ARHGAP6: variants seen among roughly 807,000 people sequenced by gnomAD.
ARHGAP6 encodes the protein rho GTPase-activating protein 6.
A neutral mutation model predicts 55.7 loss-of-function variants in ARHGAP6; 16 were observed. That is an observed-to-expected ratio of 0.29 (90% CI 0.19 to 0.44). The LOEUF is 0.44. Ranked by LOEUF, ARHGAP6 falls within the 20% of genes least tolerant of loss-of-function variation. The pLI is 1.00. For synonymous variants in ARHGAP6, 382 were observed against 360.9 expected, an observed-to-expected ratio of 1.06 and a Z score of -0.66; for missense variants, 698 against 808.9, an observed-to-expected ratio of 0.86 and a Z score of 1.66.
intron 2 of ARHGAP6, among the ~76,000 whole-genome samples, chrX:11,204,913 A>G (rs1223454562): frequency 3.6e-5 from 4 of 111,850 alleles, no homozygotes; most frequent in Non-Finnish European, 7.5e-5. Context: ...GAGAGTGAAC[A>G]TTGATCTATA....
At chrX:11,174,644 TTTC>T (rs1421600465) in intron 8 of ARHGAP6, among the ~76,000 whole-genome samples, 31 of 77,315 alleles carry the variant, frequency 4.0e-4, no homozygotes, top group Middle Eastern at 6.6e-3. Context: ...TCTTTCTTTC[TTTC>T]TTTCTTTCTT....
At chrX:11,582,210 C>G (rs1188793633) in intron 1 of ARHGAP6, among the ~76,000 whole-genome samples, 1 of 111,012 alleles carries the variant, frequency 9.0e-6, no homozygotes, top group Non-Finnish European at 1.9e-5. Flanking sequence ...TGGCAAAGCT[C>G]AGATTTGACC....
intron 2 of ARHGAP6, among the ~76,000 whole-genome samples, chrX:11,218,026 T>C (rs147655458): frequency 0.052 from 5,848 of 111,552 alleles, 108 homozygotes; most frequent in African/African-American, 0.073. Flanking sequence ...TGGTTGTACA[T>C]GTGTGGCATT....
At chrX:11,272,950 A>G (rs1301395934) in intron 1 of ARHGAP6, among the ~76,000 whole-genome samples, 1 of 112,171 alleles carries the variant, frequency 8.9e-6, no homozygotes, top group Non-Finnish European at 1.9e-5. Flanking sequence ...ATAACTAGCC[A>G]TGTGAGTATC....
intron 1 of ARHGAP6, chrX:11,351,659 C>A (rs948738790): frequency 1.6e-5 from 11 of 667,852 alleles, no homozygotes; most frequent in Non-Finnish European, 1.8e-5. Flanking sequence ...GCCGGACCGT[C>A]AGAAGTCTGC....
intron 1 of ARHGAP6, among the ~76,000 whole-genome samples, chrX:11,628,984 C>CGTGTGTGT (rs55999982): frequency 6.3e-4 from 64 of 101,480 alleles, no homozygotes; most frequent in South Asian, 1.4e-3. Context: ...GCTTCAGATA[C>CGTGTGTGT]GTGTGTGTGT....
At chrX:11,585,183 T>G (rs756404612) in intron 1 of ARHGAP6, among the ~76,000 whole-genome samples, 2 of 112,418 alleles carry the variant, frequency 1.8e-5, no homozygotes, top group South Asian at 7.4e-4. Flanking sequence ...GTCTATCATT[T>G]ATGGTCATTT....
chrX:11,427,406 T>G (rs2049893296), intron 1 of ARHGAP6: 2 of 768,979 alleles, frequency 2.6e-6, no homozygotes. Flanking sequence ...CAGGTGGCAC[T>G]TCGGGGTGAC....
intron 1 of ARHGAP6, chrX:11,351,510 T>C (rs1212696668): frequency 1.1e-6 from 1 of 930,412 alleles, no homozygotes; most frequent in Non-Finnish European, 1.4e-6. Flanking sequence ...TCCTGCTGGA[T>C]AGTGGCGTTG....
chrX:11,365,982 C>G (rs2049071870), intron 1 of ARHGAP6, among the ~76,000 whole-genome samples: 1 of 112,197 alleles, frequency 8.9e-6, no homozygotes. Flanking sequence ...CACCTTCTCA[C>G]TGTGTTCTCA....
chrX:11,194,155 A>G (rs1261141019), intron 3 of ARHGAP6, among the ~76,000 whole-genome samples: 2 of 112,797 alleles, frequency 1.8e-5, no homozygotes, highest in Non-Finnish European at 3.7e-5. Flanking sequence ...GAATAGAATG[A>G]GCAAAAACTC....
chrX:11,139,831 C>A (rs1458258670), intron 12 of ARHGAP6, among the ~76,000 whole-genome samples: 3 of 112,322 alleles, frequency 2.7e-5, no homozygotes. Context: ...CAGGAAAGGG[C>A]CCCTCTACAT....
chrX:11,510,620 C>T (rs1019668235), intron 1 of ARHGAP6, among the ~76,000 whole-genome samples: 1 of 111,082 alleles, frequency 9.0e-6, no homozygotes, highest in African/African-American at 3.3e-5. Flanking sequence ...GATCTAGAAC[C>T]TGAATCAGAG....
chrX:11,351,199 TTAAACTGG>T lies in ARHGAP6; in HGVS notation c.589-96500_589-96493del, dbSNP rs777646589. On this transcript the variant is annotated intron_variant, in intron 1 of 12. Coordinates refer to ENST00000337414, the MANE Select transcript of ARHGAP6 (RefSeq NM_013427.3). ...TTTTATTTACATAAAAATGATGCCT[TTAAACTGG>T]TAAAGAAGCAGGAGATCATAATCAG... Among the ~76,000 whole-genome samples the T allele has an allele frequency of 2.7e-5, 3 of 111,057 alleles. No homozygotes were observed. The South Asian group carries it at 1.2e-3, about 44-fold the overall frequency.
At chrX:11,163,751 G>A (rs767794161) in intron 9 of ARHGAP6, among the ~76,000 whole-genome samples, 4 of 111,840 alleles carry the variant, frequency 3.6e-5, no homozygotes, top group South Asian at 3.8e-4. Flanking sequence ...CATTAAATTC[G>A]GCAAATATTT....
At chrX:11,335,443 C>G (rs999969890) in intron 1 of ARHGAP6, among the ~76,000 whole-genome samples, 12 of 111,185 alleles carry the variant, frequency 1.1e-4, no homozygotes, top group African/African-American at 3.9e-4. Context: ...CATTGTTAAA[C>G]TCCCACTTAT....
At chrX:11,287,511 C>T (rs2147545849) in intron 1 of ARHGAP6, among the ~76,000 whole-genome samples, 1 of 112,009 alleles carries the variant, frequency 8.9e-6, no homozygotes, top group East Asian at 2.8e-4. Context: ...CTTGTAGAAA[C>T]CCTAGCAAGC....
At chrX:11,220,103 A>G (rs4294340) in intron 2 of ARHGAP6, among the ~76,000 whole-genome samples, 18,571 of 105,391 alleles carry the variant, frequency 0.18, 1,431 homozygotes, top group Middle Eastern at 0.29. Flanking sequence ...AGCTTTCTAC[A>G]TATGGCTAGC....
Position 11,263,078 on chromosome X carries a change from A to G in ARHGAP6, c.589-8371T>C, listed in dbSNP as rs1352210517. 3.6e-5 allele frequency among the ~76,000 whole-genome samples: 4 copies of G among 111,151 alleles called. No individual in the cohort carries two copies. The East Asian group carries it at 8.5e-4, about 24-fold the overall frequency. ...TCCCCTCCAAATCTCATGTTGAAATACAATCACTAATGTTGGAGGTGGGGC... is the reference window on the plus strand; with the variant it reads ...TCCCCTCCAAATCTCATGTTGAAATGCAATCACTAATGTTGGAGGTGGGGC... On this transcript the variant is annotated intron_variant, in intron 1 of 12. Coordinates refer to ENST00000337414, the MANE Select transcript of ARHGAP6 (RefSeq NM_013427.3).
Sources: gnomAD v4.1 joint callset for allele counts (sites outside exome capture counted in the v4.1 genomes callset) on GRCh38, gnomAD v4.1.1 for gene constraint, MANE v1.5 for transcripts, NCBI Gene and HGNC (gene_info 2026-07-23, HGNC 2026-07-21) for gene names.